NKAIN2: variants seen among roughly 807,000 people sequenced by gnomAD.
NKAIN2 encodes the protein sodium/potassium transporting ATPase interacting 2, also known as sodium/potassium-transporting ATPase subunit beta-1-interacting protein 2.
In NKAIN2, 14 loss-of-function variants were observed where a neutral mutation model predicts 32.6. That is an observed-to-expected ratio of 0.43 (90% CI 0.28 to 0.67). The LOEUF is 0.67. NKAIN2 is among the 30% of genes least tolerant of loss of function. NKAIN2 has a pLI of 0.17. For synonymous variants in NKAIN2, 80 were observed against 87.2 expected (o/e 0.92, Z 0.46); for missense variants, 198 against 258.3 (o/e 0.77, Z 1.60).
At chr6:124,666,209 A>ATAGTT (rs1198986283) in intron 4 of NKAIN2, among the ~76,000 whole-genome samples, 2 of 152,202 alleles carry the variant, frequency 1.3e-5, no homozygotes, top group African/African-American at 4.8e-5. Flanking sequence ...TAACATCAGA[A>ATAGTT]TAGTTTATAA....
intron 1 of NKAIN2, among the ~76,000 whole-genome samples, chr6:124,205,470 C>T (rs958247089): frequency 6.6e-6 from 1 of 151,582 alleles, no homozygotes; most frequent in Admixed American, 6.6e-5. Context: ...TCTACTGGTA[C>T]CTGAACACAT....
chr6:124,453,353 A>ACACACACACACACG (rs1776189875), intron 3 of NKAIN2, among the ~76,000 whole-genome samples: 2 of 136,014 alleles, frequency 1.5e-5, no homozygotes, highest in Admixed American at 1.6e-4. Flanking sequence ...ACACACACAC[A>ACACACACACACACG]CACACACACA....
intron 3 of NKAIN2, among the ~76,000 whole-genome samples, chr6:124,406,834 G>A (rs1773881420): frequency 6.6e-6 from 1 of 152,038 alleles, no homozygotes; most frequent in Admixed American, 6.6e-5. Context: ...TACTGATGTT[G>A]ATCATCTTCT....
intron 3 of NKAIN2, among the ~76,000 whole-genome samples, chr6:124,414,932 A>G (rs1381251084): frequency 1.3e-5 from 2 of 151,978 alleles, no homozygotes; most frequent in Non-Finnish European, 2.9e-5. Context: ...GATCCTCTCT[A>G]AGAATCAGCT....
At chr6:124,034,688 G>A (rs970277973) in intron 1 of NKAIN2, among the ~76,000 whole-genome samples, 2 of 151,966 alleles carry the variant, frequency 1.3e-5, no homozygotes, top group Admixed American at 6.6e-5. Flanking sequence ...TCTTTGAGAA[G>A]TATCCATAGT....
At chr6:124,576,541 A>G (rs1781342154) in intron 3 of NKAIN2, among the ~76,000 whole-genome samples, 2 of 152,210 alleles carry the variant, frequency 1.3e-5, no homozygotes, top group African/African-American at 4.8e-5. Context: ...ATCGTTTTAT[A>G]TTTTATAAAG....
At chr6:124,130,949 C>G (rs1438251634) in intron 1 of NKAIN2, among the ~76,000 whole-genome samples, 4 of 152,146 alleles carry the variant, frequency 2.6e-5, no homozygotes, top group Non-Finnish European at 5.9e-5. Flanking sequence ...CGTGTGCACT[C>G]CAACACTGCG....
At chr6:124,037,540 T>A (rs547312848) in intron 1 of NKAIN2, among the ~76,000 whole-genome samples, 2 of 152,258 alleles carry the variant, frequency 1.3e-5, no homozygotes, top group African/African-American at 4.8e-5. Flanking sequence ...TTTAAAAAAA[T>A]TCTAACAAAT....
intron 5 of NKAIN2, among the ~76,000 whole-genome samples, chr6:124,801,272 G>A (rs1443916073): frequency 6.6e-6 from 1 of 152,062 alleles, no homozygotes; most frequent in Non-Finnish European, 1.5e-5. Context: ...TTATGCCTTT[G>A]TGGATTTGCT....
At position 124,696,399 on chromosome 6, in the gene NKAIN2, G is replaced by A. The variant is rs1055542861; in HGVS notation, c.474+38013G>A. Among the ~76,000 whole-genome samples the A allele has an allele frequency of 1.6e-4, 25 of 151,916 alleles. 1 individual carries two copies. Among genetic ancestry groups the A allele is most frequent in the Admixed American group, 5.9e-4 (9 of 15,260 alleles). ...GCCATATTTTGGGGCATCATTTTCC[G>A]AGCCCCAAAAGGGCCACATACAAAC... On this transcript the variant is annotated intron_variant, in intron 4 of 6. Transcript: ENST00000368417.
At chr6:124,493,123 A>C (rs1777930004) in intron 3 of NKAIN2, among the ~76,000 whole-genome samples, 1 of 152,052 alleles carries the variant, frequency 6.6e-6, no homozygotes, top group South Asian at 2.1e-4. Flanking sequence ...GAGCACTCTC[A>C]TTAAATATTA....
chr6:124,477,766 C>T (rs1431911211), intron 3 of NKAIN2, among the ~76,000 whole-genome samples: 7 of 102,914 alleles, frequency 6.8e-5, no homozygotes, highest in Non-Finnish European at 1.4e-4. Context: ...TCCTTTCCCC[C>T]CCTCCCTTCT....
At chr6:124,779,243 A>G (rs569785034) in intron 4 of NKAIN2, among the ~76,000 whole-genome samples, 885 of 45,780 alleles carry the variant, frequency 0.019, 66 homozygotes, top group African/African-American at 0.084. Flanking sequence ...GACTCCAACA[A>G]AGAAAGAGAG....
intron 3 of NKAIN2, among the ~76,000 whole-genome samples, chr6:124,616,892 T>C (rs2115008428): frequency 6.6e-6 from 1 of 152,242 alleles, no homozygotes; most frequent in Non-Finnish European, 1.5e-5. Context: ...GGTTATCCTA[T>C]TTCCTAAAGA....
At chr6:124,728,987 A>T (rs1776496244) in intron 4 of NKAIN2, among the ~76,000 whole-genome samples, 1 of 148,212 alleles carries the variant, frequency 6.7e-6, no homozygotes. Flanking sequence ...CAACACATAC[A>T]CTCTCCCAAG....
At chr6:124,660,970 C>T (rs1419186771) in intron 4 of NKAIN2, among the ~76,000 whole-genome samples, 1 of 152,186 alleles carries the variant, frequency 6.6e-6, no homozygotes, top group Non-Finnish European at 1.5e-5. Flanking sequence ...AAATCTCTGT[C>T]CCTCCCCTTT....
At chr6:124,348,345 A>G in intron 2 of NKAIN2, among the ~76,000 whole-genome samples, 1 of 152,162 alleles carries the variant, frequency 6.6e-6, no homozygotes, top group Non-Finnish European at 1.5e-5. Flanking sequence ...TGCTGGGAGA[A>G]CCACTGCTCT....
chr6:123,923,685 G>A (rs7767919), intron 1 of NKAIN2, among the ~76,000 whole-genome samples: 7,041 of 149,470 alleles, frequency 0.047, 367 homozygotes, highest in African/African-American at 0.12. Flanking sequence ...GTAAACTATC[G>A]CAAGAACAAA....
At chr6:124,729,408 A>G (rs1179935683) in intron 4 of NKAIN2, among the ~76,000 whole-genome samples, 9 of 151,838 alleles carry the variant, frequency 5.9e-5, no homozygotes, top group South Asian at 2.1e-4. Flanking sequence ...TTCAATATAC[A>G]CAAATCAATA....
Sources: gnomAD v4.1 joint callset for allele counts (sites outside exome capture counted in the v4.1 genomes callset) on GRCh38, gnomAD v4.1.1 for gene constraint, MANE v1.5 for transcripts, NCBI Gene and HGNC (gene_info 2026-07-23, HGNC 2026-07-21) for gene names.